The following TEC variants were observed in gnomAD, a reference collection of about 807,000 sequenced individuals.
TEC encodes the protein tyrosine-protein kinase Tec.
TEC carries 72 observed loss-of-function variants against 93.0 expected under a neutral mutation model. The observed-to-expected ratio is 0.77, with a 90% CI of 0.64 to 0.94. The LOEUF (loss-of-function observed/expected upper bound fraction) is 0.94, where lower values mean the gene tolerates loss of function less well. TEC is among the 40% of genes least tolerant of loss of function. The probability of loss-of-function intolerance (pLI) is 0.00; values close to 1 mark genes in which losing one functional copy is unlikely to be tolerated. For missense variants in TEC, 630 were observed against 757.9 expected, an observed-to-expected ratio of 0.83 and a Z score of 1.98; for synonymous variants, 249 against 247.7, an observed-to-expected ratio of 1.01 and a Z score of -0.05.
chr4:48,214,412 G>A (rs1396877), intron 2 of TEC, among the ~76,000 whole-genome samples: 24,146 of 152,154 alleles, frequency 0.16, 2,898 homozygotes, highest in African/African-American at 0.32. Context: ...GTAGGAAAGT[G>A]ACAAGCACAG....
intron 2 of TEC, among the ~76,000 whole-genome samples, chr4:48,222,112 G>A (rs1382677652): frequency 6.6e-6 from 1 of 152,144 alleles, no homozygotes; most frequent in East Asian, 1.9e-4. Flanking sequence ...TGTTCCCCAG[G>A]CACTCAACAA....
intron 2 of TEC, among the ~76,000 whole-genome samples, chr4:48,204,914 C>T (rs1314104117): frequency 6.6e-6 from 1 of 152,090 alleles, no homozygotes; most frequent in Non-Finnish European, 1.5e-5. Flanking sequence ...CTGGGGACCC[C>T]TGCTGTAAGT....
intron 17 of TEC, among the ~76,000 whole-genome samples, chr4:48,138,439 T>A (rs1719518546): frequency 6.6e-6 from 1 of 152,236 alleles, no homozygotes; most frequent in South Asian, 2.1e-4. Flanking sequence ...CACTTGGAAG[T>A]GAGGAAGCAG....
Position 48,149,628 on chromosome 4 carries a change from T to C in TEC, c.935A>G (p.Tyr312Cys). Residue 312 changes from tyrosine (Y) to cysteine (C), a missense_variant, in exon 11 of 18, where the codon TAT (tyrosine) becomes TGT (cysteine). Transcript: ENST00000381501. ...AAAAGCATGTTTTTCAGCTAGGTAA[T>C]ACTTCTTTGGAGATGTTGTTGTTTC... Reference protein sequence around the residue: ...IKETTTSPKKYYLAEKHAFGS... With the variant: ...IKETTTSPKKCYLAEKHAFGS... The C allele has an allele frequency of 6.2e-7, 1 of 1,612,684 alleles. No homozygotes were observed. The highest frequency in any genetic ancestry group is 8.5e-7 in the Non-Finnish European group (1 of 1,179,470).
intron 14 of TEC, 87 bp downstream of exon 14, chr4:48,144,992 G>T: frequency 1.8e-6 from 2 of 1,136,182 alleles, no homozygotes; most frequent in Non-Finnish European, 2.6e-6. Context: ...AACAAAAATT[G>T]GCTATTAATA....
At chr4:48,141,215 T>C (rs949828393) in intron 15 of TEC, 140 bp downstream of exon 15, 81 of 700,020 alleles carry the variant, frequency 1.2e-4, no homozygotes, top group Non-Finnish European at 1.9e-5. Flanking sequence ...ATTACTACCA[T>C]CACAATATAT....
At chr4:48,193,536 G>A (rs758484566) in intron 2 of TEC, among the ~76,000 whole-genome samples, 7 of 152,120 alleles carry the variant, frequency 4.6e-5, no homozygotes, top group African/African-American at 9.7e-5. Context: ...AGAGATAAAC[G>A]TAACTACTGT....
At chr4:48,261,902 T>C (rs559558961) in intron 1 of TEC, among the ~76,000 whole-genome samples, 1 of 152,262 alleles carries the variant, frequency 6.6e-6, no homozygotes, top group East Asian at 1.9e-4. Context: ...AATGAATACT[T>C]ACTTCCCTCC....
intron 1 of TEC, among the ~76,000 whole-genome samples, chr4:48,250,371 A>AGATT (rs1269617442): frequency 2.0e-5 from 3 of 152,200 alleles, no homozygotes; most frequent in Non-Finnish European, 4.4e-5. Flanking sequence ...TGAGTGCAAT[A>AGATT]GATTGATTGG....
chr4:48,234,524 CTGAA>C (rs1231232598), intron 1 of TEC, among the ~76,000 whole-genome samples: 3 of 152,084 alleles, frequency 2.0e-5, no homozygotes, highest in Non-Finnish European at 4.4e-5. Context: ...GGAAACAAAA[CTGAA>C]TGTATGGGGA....
At chr4:48,242,062 A>T (rs1723935985) in intron 1 of TEC, among the ~76,000 whole-genome samples, 1 of 152,252 alleles carries the variant, frequency 6.6e-6, no homozygotes, top group African/African-American at 2.4e-5. Context: ...TAAGGACTTT[A>T]AAAGTGGTAA....
intron 4 of TEC, among the ~76,000 whole-genome samples, 163 bp downstream of exon 4, chr4:48,171,205 T>C (rs928158422): frequency 6.6e-6 from 1 of 152,234 alleles, no homozygotes; most frequent in Non-Finnish European, 1.5e-5. Context: ...TTATCTTCAA[T>C]ATGCTGGTAT....
chr4:48,206,313 T>C (rs1168506638), intron 2 of TEC, among the ~76,000 whole-genome samples: 1 of 152,160 alleles, frequency 6.6e-6, no homozygotes, highest in Non-Finnish European at 1.5e-5. Flanking sequence ...TCTAAAATGG[T>C]TACAAGAGTA....
chr4:48,167,520 A>C (rs1720917999), intron 7 of TEC, among the ~76,000 whole-genome samples: 1 of 152,212 alleles, frequency 6.6e-6, no homozygotes, highest in Admixed American at 6.5e-5. Context: ...CTCAAGGTCA[A>C]AATAATCACA....
At chr4:48,191,283 A>AT (rs1408796552) in intron 2 of TEC, among the ~76,000 whole-genome samples, 3 of 152,226 alleles carry the variant, frequency 2.0e-5, no homozygotes, top group Non-Finnish European at 2.9e-5. Context: ...GCCTTTAAAT[A>AT]TAAGATTTAT....
chr4:48,222,696 G>A (rs1723307285), intron 2 of TEC, among the ~76,000 whole-genome samples: 1 of 151,356 alleles, frequency 6.6e-6, no homozygotes. Flanking sequence ...TACTTGGGCT[G>A]AAACATCCCA....
At chr4:48,159,561 T>C (rs1720541316) in intron 8 of TEC, among the ~76,000 whole-genome samples, 1 of 151,566 alleles carries the variant, frequency 6.6e-6, no homozygotes, top group South Asian at 2.1e-4. Context: ...CTAATTTTTT[T>C]TTTTTTTTTT....
intron 7 of TEC, 87 bp from the exon 8 acceptor site, chr4:48,163,854 C>A: frequency 2.9e-6 from 2 of 679,204 alleles, no homozygotes; most frequent in East Asian, 3.2e-5. Flanking sequence ...TGAAATAAAG[C>A]ATGACATTGC....
At chr4:48,211,727 T>A (rs1216734704) in intron 2 of TEC, among the ~76,000 whole-genome samples, 1 of 152,200 alleles carries the variant, frequency 6.6e-6, no homozygotes, top group Admixed American at 6.5e-5. Context: ...ATATATGAAA[T>A]GTACCATTTA....
Sources: gnomAD v4.1 joint callset for allele counts (sites outside exome capture counted in the v4.1 genomes callset) on GRCh38, gnomAD v4.1.1 for gene constraint, MANE v1.5 for transcripts, NCBI Gene and HGNC (gene_info 2026-07-23, HGNC 2026-07-21) for gene names.